The following F13A1 variants were observed in gnomAD, a reference collection of about 807,000 sequenced individuals.
The protein encoded by F13A1 is FSF, A subunit.
In F13A1, 47 loss-of-function variants were observed where a neutral mutation model predicts 80.1. The ratio of observed to expected loss-of-function variants is 0.59; its 90% CI spans 0.46 to 0.75. The LOEUF (loss-of-function observed/expected upper bound fraction) is 0.75. Among genes scored for constraint, F13A1 ranks in the 30% least tolerant of loss-of-function variants. F13A1 has a pLI of 0.00. For missense variants in F13A1, 817 were observed against 930.4 expected (o/e 0.88, Z 1.59); for synonymous variants, 349 against 344.9 (o/e 1.01, Z -0.13).
chr6:6,318,910 CAT>C (rs1287864913), intron 1 of F13A1, among the ~76,000 whole-genome samples: 1 of 152,206 alleles, frequency 6.6e-6, no homozygotes, highest in East Asian at 1.9e-4. Flanking sequence ...TGTGTCAAAA[CAT>C]ATGGAAAGCA....
chr6:6,161,224 C>T (rs914084973), intron 13 of F13A1, among the ~76,000 whole-genome samples: 4 of 152,052 alleles, frequency 2.6e-5, no homozygotes, highest in Non-Finnish European at 5.9e-5. Flanking sequence ...ACCTGGTGAC[C>T]AGAGATTCAA....
chr6:6,198,526 C>T (rs1472524123), intron 8 of F13A1, among the ~76,000 whole-genome samples: 2 of 152,156 alleles, frequency 1.3e-5, no homozygotes, highest in East Asian at 3.9e-4. Context: ...TGCCCATGCT[C>T]CCATCTTTCT....
At chr6:6,192,005 A>G (rs1225348724) in intron 10 of F13A1, among the ~76,000 whole-genome samples, 1 of 152,218 alleles carries the variant, frequency 6.6e-6, no homozygotes, top group Non-Finnish European at 1.5e-5. Flanking sequence ...GAATGCAGAG[A>G]GGGAACAAAG....
In F13A1 at chr6:6,227,066, G is replaced by T. The variant is rs1291587761; in HGVS notation, c.799-2206C>A. ...TGGGACCTTCTAGGAGCTCTGCATG[G>T]GTATTATGTAAGTAGGCAATACCGA... On this transcript the variant is annotated intron_variant, in intron 6 of 14. Coordinates refer to ENST00000264870, the MANE Select transcript of F13A1 (RefSeq NM_000129.4). 2.0e-5 allele frequency among the ~76,000 whole-genome samples: 3 copies of T among 152,176 alleles called. No homozygotes were observed. In the East Asian group the frequency reaches 5.8e-4, roughly 29 times the overall value.
intron 2 of F13A1, among the ~76,000 whole-genome samples, chr6:6,313,986 CTT>C (rs10690734): frequency 4.2e-5 from 6 of 142,158 alleles, no homozygotes; most frequent in Non-Finnish European, 7.5e-5. Context: ...TCTCCTTACT[CTT>C]TTTTTTTTTT....
intron 8 of F13A1, among the ~76,000 whole-genome samples, chr6:6,202,119 C>T (rs1761406678): frequency 6.6e-6 from 1 of 150,800 alleles, no homozygotes; most frequent in Non-Finnish European, 1.5e-5. Flanking sequence ...AATTTACTCT[C>T]CTGGCAATTT....
intron 8 of F13A1, among the ~76,000 whole-genome samples, chr6:6,205,048 A>C (rs1761461497): frequency 6.6e-6 from 1 of 152,232 alleles, no homozygotes; most frequent in South Asian, 2.1e-4. Context: ...GCTATATGGG[A>C]GATAAATGGA....
intron 7 of F13A1, among the ~76,000 whole-genome samples, chr6:6,224,326 T>C (rs1757244271): frequency 6.6e-6 from 1 of 152,220 alleles, no homozygotes. Flanking sequence ...ATATATCTTT[T>C]GTTATTTATT....
intron 3 of F13A1, among the ~76,000 whole-genome samples, chr6:6,297,714 AT>A (rs1423593204): frequency 1.3e-5 from 2 of 149,058 alleles, no homozygotes; most frequent in Admixed American, 6.6e-5. Context: ...GGATTCATTA[AT>A]TTTTTGAAGG....
Position 6,257,584 on chromosome 6 carries a change from C to T in F13A1, c.572-6655G>A, listed in dbSNP as rs148480616. Among the ~76,000 whole-genome samples, 39 of 152,232 alleles carry T rather than the reference C, an allele frequency of 2.6e-4. No homozygotes were observed. The South Asian group carries it at 4.6e-3, about 18-fold the overall frequency. Reference sequence around the variant, plus strand: ...TCCTCGAAATAACAATGACTAACACCGCTTCTCTTGGAGACCCTTGAGCCT... The same window carrying T: ...TCCTCGAAATAACAATGACTAACACTGCTTCTCTTGGAGACCCTTGAGCCT... On this transcript the variant is annotated intron_variant, in intron 4 of 14. Coordinates refer to ENST00000264870, the MANE Select transcript of F13A1 (RefSeq NM_000129.4).
chr6:6,316,831 G>A (rs1758692573), intron 2 of F13A1, among the ~76,000 whole-genome samples: 1 of 152,164 alleles, frequency 6.6e-6, no homozygotes, highest in Non-Finnish European at 1.5e-5. Flanking sequence ...TTTTGCTGAT[G>A]GAGAAACTGA....
chr6:6,269,384 A>T (rs1039218215), intron 3 of F13A1, among the ~76,000 whole-genome samples: 1 of 152,196 alleles, frequency 6.6e-6, no homozygotes, highest in Non-Finnish European at 1.5e-5. Flanking sequence ...TGGGTTTACC[A>T]ATTGCCAACA....
chr6:6,164,724 G>A (rs1760635735), intron 13 of F13A1, among the ~76,000 whole-genome samples: 1 of 140,892 alleles, frequency 7.1e-6, no homozygotes. Flanking sequence ...CCCCTCCTGT[G>A]CCTTCCTCTT....
chr6:6,144,414 C>T lies in F13A1; in HGVS notation c.*1205G>A, dbSNP rs1760240141. 1 of 152,198 alleles carries T rather than the reference C, an allele frequency of 6.6e-6. No homozygotes were observed. The highest frequency in any genetic ancestry group is 2.4e-5 in the African/African-American group (1 of 41,442). 9.4% of individuals were successfully genotyped at this position (152,198 alleles called of 1,614,324 possible). On this transcript the variant is annotated 3_prime_UTR_variant, in exon 15 of 15. Transcript: ENST00000264870. Reference sequence around the variant, plus strand: ...TTTGCTAAGAATCACAGTCTACTGACCTAAATCACACCCTAGACATATCAG... The same window carrying T: ...TTTGCTAAGAATCACAGTCTACTGATCTAAATCACACCCTAGACATATCAG...
chr6:6,269,349 C>T (rs1229613882), intron 3 of F13A1, among the ~76,000 whole-genome samples: 8 of 152,156 alleles, frequency 5.3e-5, no homozygotes, highest in Non-Finnish European at 1.2e-4. Context: ...TGATCCTTCT[C>T]TGCTCCATCT....
At position 6,312,783 on chromosome 6, in the gene F13A1, A is replaced by G. The variant is rs544030773; in HGVS notation, c.130+5752T>C. Reference sequence around the variant, plus strand: ...TAAGAAGGGGAAGATTAAAAGCTACACAGAGAGGTTGAGAGTTTAAAGAAA... The same window carrying G: ...TAAGAAGGGGAAGATTAAAAGCTACGCAGAGAGGTTGAGAGTTTAAAGAAA... On this transcript the variant is annotated intron_variant, in intron 2 of 14. Transcript: ENST00000264870. Among the ~76,000 whole-genome samples, 226 of 152,276 alleles carry G rather than the reference A, an allele frequency of 1.5e-3. 2 individuals carry two copies. Among genetic ancestry groups the G allele is most frequent in the Non-Finnish European group, 1.5e-3 (105 of 68,002 alleles).
intron 4 of F13A1, among the ~76,000 whole-genome samples, chr6:6,265,399 T>C (rs896222654): frequency 1.3e-5 from 2 of 152,172 alleles, no homozygotes; most frequent in Non-Finnish European, 2.9e-5. Flanking sequence ...CTCTCCCACA[T>C]TGATGCTGCT....
At position 6,298,567 on chromosome 6, in the gene F13A1, C is replaced by T. The variant is rs1025285756; in HGVS notation, c.319+6784G>A. Among the ~76,000 whole-genome samples, 8 of 149,430 alleles carry T rather than the reference C, an allele frequency of 5.4e-5. 1 individual carries two copies. Among genetic ancestry groups the T allele is most frequent in the African/African-American group, 1.8e-4 (7 of 38,922 alleles). ...TCTGTTTTATCAGAGACTAGGATTG[C>T]AACCCCTGCTTTTTTTTGTTTTCCA... is the stretch of plus-strand genomic sequence containing the variant. On this transcript the variant is annotated intron_variant, in intron 3 of 14. Coordinates refer to ENST00000264870, the MANE Select transcript of F13A1 (RefSeq NM_000129.4).
chr6:6,195,694 G>A (rs1761276860), intron 10 of F13A1, 103 bp downstream of exon 10: 1 of 993,598 alleles, frequency 1.0e-6, no homozygotes, highest in South Asian at 1.4e-5. Flanking sequence ...CGAAGCATAC[G>A]CTATGTACCT....
Sources: allele counts gnomAD v4.1 joint callset (sites outside exome capture counted in the v4.1 genomes callset), GRCh38; gene constraint gnomAD v4.1.1; transcripts MANE v1.5; gene names NCBI Gene and HGNC (gene_info 2026-07-23, HGNC 2026-07-21).